Variants in NEMP1 observed in about 807,000 individuals in gnomAD.
NEMP1 encodes transmembrane protein 194.
NEMP1 carries 29 observed loss-of-function variants against 53.7 expected under a neutral mutation model. The ratio of observed to expected loss-of-function variants is 0.54; its 90% CI spans 0.40 to 0.74. The LOEUF (loss-of-function observed/expected upper bound fraction) is 0.74. Among genes scored for constraint, NEMP1 ranks in the 30% least tolerant of loss-of-function variants. The pLI, the probability that NEMP1 is intolerant of heterozygous loss-of-function variation, is 0.00. For missense variants in NEMP1, 477 were observed against 528.6 expected (o/e 0.90, Z 0.96); for synonymous variants, 193 against 192.9 (o/e 1.00, Z 0.00).
rs748222015 is a variant in NEMP1 at position 57,055,997 on chromosome 12, A to G, written c.*3882T>C. 1.9e-4 allele frequency: 29 copies of G among 152,238 alleles called. No individual in the cohort carries two copies. Among genetic ancestry groups the G allele is most frequent in the Non-Finnish European group, 3.5e-4 (24 of 68,044 alleles). The allele number at this position is 152,238 out of a possible 1,614,324, so 9.4% of individuals were successfully genotyped here. On this transcript the variant is annotated 3_prime_UTR_variant, in exon 9 of 9. Transcript: ENST00000300128. ...GTTATGTTGTCATAAGAATGTGCTC[A>G]TGCTATAGGCAAATTCAGAGGTGAT...
intron 1 of NEMP1, among the ~76,000 whole-genome samples, chr12:57,077,664 A>T (rs984122375): frequency 6.6e-5 from 10 of 152,226 alleles, no homozygotes; most frequent in Admixed American, 3.3e-4. Context: ...ATAAAAAATT[A>T]AAAATATGTG....
intron 1 of NEMP1, among the ~76,000 whole-genome samples, chr12:57,086,537 C>CA (rs1491369403): frequency 3.3e-5 from 5 of 151,360 alleles, no homozygotes; most frequent in East Asian, 3.9e-4. Flanking sequence ...TCCCCCCCCC[C>CA]CACACACACA....
rs1458567460 is a variant in NEMP1 at position 57,058,000 on chromosome 12, A to G, written c.*1879T>C. ...AAAAATAGTATATTTCAGAAGTTTTAATAGTTCTTTGTAGAGAGAGAACAT... is the reference window on the plus strand; with the variant it reads ...AAAAATAGTATATTTCAGAAGTTTTGATAGTTCTTTGTAGAGAGAGAACAT... On this transcript the variant is annotated 3_prime_UTR_variant, in exon 9 of 9. Transcript: ENST00000300128. 1 of 152,258 alleles carries G rather than the reference A, an allele frequency of 6.6e-6. No homozygotes were observed. Among genetic ancestry groups the G allele is most frequent in the Non-Finnish European group, 1.5e-5 (1 of 68,048 alleles). 9.4% of individuals were successfully genotyped at this position (152,258 alleles called of 1,614,324 possible). A position where few individuals can be genotyped will look rare whatever the true frequency, so the allele number is the denominator to read the frequency against.
At chr12:57,080,480 G>T (rs2032813553), upstream of NEMP1, among the ~76,000 whole-genome samples, 1 of 151,892 alleles carries the variant, frequency 6.6e-6, no homozygotes, top group African/African-American at 2.4e-5. Flanking sequence ...TCAGGAGGCT[G>T]AGGCAGGAGA....
intron 1 of NEMP1, among the ~76,000 whole-genome samples, chr12:57,076,673 G>A (rs768724973): frequency 1.6e-4 from 24 of 152,260 alleles, no homozygotes; most frequent in Admixed American, 9.2e-4. Flanking sequence ...CAGGCATGGT[G>A]GCATGCGCCT....
chr12:57,073,842 A>C (rs1283578814), intron 1 of NEMP1, among the ~76,000 whole-genome samples: 2 of 152,322 alleles, frequency 1.3e-5, no homozygotes, highest in African/African-American at 4.8e-5. Flanking sequence ...CCCAGGTCTG[A>C]CTATGGTCTT....
At chr12:57,065,709 A>G (rs1041074234) in intron 4 of NEMP1, among the ~76,000 whole-genome samples, 1 of 151,834 alleles carries the variant, frequency 6.6e-6, no homozygotes, top group African/African-American at 2.4e-5. Context: ...CATGTTGCTC[A>G]GGCTGGTCTC....
At position 57,059,991 on chromosome 12, in the gene NEMP1, T is replaced by C; in HGVS notation, c.1223A>G (p.Tyr408Cys). 1 of 1,613,918 alleles carries C rather than the reference T, an allele frequency of 6.2e-7. No individual in the cohort carries two copies. ...CTGGGCAATAATGCTCCCTAATCCA[T>C]ACTCCTGCTCATGGACAGAAACTTC... is the stretch of plus-strand genomic sequence containing the variant. ...PNEVSVHEQE[Y>C]GLGSIIAQDE... is the part of the protein sequence containing the mutation. The change falls in exon 9 of 9, where the codon TAT (tyrosine) becomes TGT (cysteine). Residue 408 changes from tyrosine (Y) to cysteine (C), a missense_variant. Transcript: ENST00000300128.
chr12:57,074,747 TCTC>T (rs2032521221), intron 1 of NEMP1, among the ~76,000 whole-genome samples: 1 of 152,156 alleles, frequency 6.6e-6, no homozygotes, highest in Non-Finnish European at 1.5e-5. Flanking sequence ...AACAGAAGAT[TCTC>T]CTCTCAATTT....
intron 2 of NEMP1, among the ~76,000 whole-genome samples, chr12:57,071,829 A>C (rs2032362678): frequency 6.6e-6 from 1 of 152,040 alleles, no homozygotes. Context: ...CGTCTCAAAA[A>C]AAAAAAACAA....
At chr12:57,074,805 C>G (rs1279319082) in intron 1 of NEMP1, among the ~76,000 whole-genome samples, 3 of 152,114 alleles carry the variant, frequency 2.0e-5, no homozygotes, top group Non-Finnish European at 4.4e-5. Context: ...GACCACTGTC[C>G]AGCCGGGCAT....
chr12:57,088,148 A>G (rs1477044352), upstream of NEMP1: 3 of 152,292 alleles, frequency 2.0e-5, no homozygotes, highest in East Asian at 5.8e-4. Context: ...CGTCTTTGTC[A>G]CACAAAATTC....
intron 1 of NEMP1, among the ~76,000 whole-genome samples, chr12:57,073,457 T>C (rs906055971): frequency 2.0e-5 from 3 of 151,788 alleles, no homozygotes; most frequent in Non-Finnish European, 2.9e-5. Context: ...CTGACCAATA[T>C]GGAGAAACCC....
intron 7 of NEMP1, 105 bp downstream of exon 7, chr12:57,063,014 T>G: frequency 2.3e-6 from 2 of 861,932 alleles, no homozygotes; most frequent in Non-Finnish European, 1.9e-6. Flanking sequence ...TACAATGACT[T>G]TTCATTAACA....
intron 2 of NEMP1, among the ~76,000 whole-genome samples, chr12:57,071,710 A>T (rs1729182815): frequency 3.3e-5 from 5 of 151,988 alleles, no homozygotes; most frequent in South Asian, 4.2e-4. Flanking sequence ...AATTTTTTTT[A>T]AAAATCCACA....
At chr12:57,077,727 CAG>C (rs2032700097) in intron 1 of NEMP1, among the ~76,000 whole-genome samples, 1 of 152,132 alleles carries the variant, frequency 6.6e-6, no homozygotes, top group Non-Finnish European at 1.5e-5. Flanking sequence ...AATGGATTAA[CAG>C]TGTGGTTTCT....
At chr12:57,075,390 T>TATAAATAAATAAATAA (rs36162399) in intron 1 of NEMP1, among the ~76,000 whole-genome samples, 1 of 135,860 alleles carries the variant, frequency 7.4e-6, no homozygotes, top group African/African-American at 2.8e-5. Flanking sequence ...TCCATTTCAA[T>TATAAATAAATAAATAA]ATAAATAAAT....
chr12:57,079,030 A>C (rs371748527), upstream of NEMP1, among the ~76,000 whole-genome samples: 1 of 152,230 alleles, frequency 6.6e-6, no homozygotes, highest in Non-Finnish European at 1.5e-5. Context: ...TCTTCAGTTT[A>C]TTTACAACTG....
upstream of NEMP1, among the ~76,000 whole-genome samples, chr12:57,081,225 C>G (rs1257801909): frequency 1.3e-5 from 2 of 152,138 alleles, no homozygotes; most frequent in Non-Finnish European, 2.9e-5. Flanking sequence ...CAAAGTCATC[C>G]AAACATCATT....
Sources: gnomAD v4.1 joint callset for allele counts (sites outside exome capture counted in the v4.1 genomes callset) on GRCh38, gnomAD v4.1.1 for gene constraint, MANE v1.5 for transcripts, NCBI Gene and HGNC (gene_info 2026-07-23, HGNC 2026-07-21) for gene names.